The following IL1RAPL1 variants were observed in gnomAD, a reference collection of about 807,000 sequenced individuals.
IL1RAPL1 encodes the protein interleukin 1 receptor accessory protein like 1.
Under a neutral mutation model 48.4 loss-of-function variants are expected in IL1RAPL1, and 3 were observed. That is an observed-to-expected ratio of 0.06 (90% confidence interval 0.03 to 0.16). The LOEUF is 0.16. Ranked by LOEUF, IL1RAPL1 falls within the 10% of genes least tolerant of loss-of-function variation. The pLI is 1.00. For missense variants in IL1RAPL1, 349 were observed against 530.6 expected (o/e 0.66, Z 3.36); for synonymous variants, 185 against 187.7 (o/e 0.99, Z 0.12).
chrX:29,237,084 A>G (rs1931323361), intron 2 of IL1RAPL1, among the ~76,000 whole-genome samples: 2 of 111,112 alleles, frequency 1.8e-5, no homozygotes, highest in Non-Finnish European at 3.8e-5. Context: ...AGAGAAAAAC[A>G]GGGTTTTTAT....
intron 5 of IL1RAPL1, among the ~76,000 whole-genome samples, chrX:29,667,829 G>T (rs1443583557): frequency 2.7e-5 from 3 of 111,918 alleles, no homozygotes; most frequent in African/African-American, 9.7e-5. Flanking sequence ...AAAGAGTTTA[G>T]ACTAAATGGA....
chrX:29,601,400 AT>A (rs1923713821), intron 5 of IL1RAPL1, among the ~76,000 whole-genome samples: 1 of 112,266 alleles, frequency 8.9e-6, no homozygotes, highest in Non-Finnish European at 1.9e-5. Context: ...AATATTAATT[AT>A]TAAGCATAAA....
intron 1 of IL1RAPL1, among the ~76,000 whole-genome samples, chrX:28,639,121 C>T (rs1358666889): frequency 8.9e-6 from 1 of 111,962 alleles, no homozygotes; most frequent in East Asian, 2.8e-4. Flanking sequence ...AACACTTTAA[C>T]ATGTTGCCTG....
At chrX:29,412,776 T>C (rs1934160965) in intron 5 of IL1RAPL1, among the ~76,000 whole-genome samples, 1 of 112,043 alleles carries the variant, frequency 8.9e-6, no homozygotes, top group Admixed American at 9.5e-5. Flanking sequence ...CTGGGCTCAG[T>C]GACCTTAACT....
intron 1 of IL1RAPL1, among the ~76,000 whole-genome samples, chrX:28,718,759 TTGAC>T (rs1292685387): frequency 4.5e-5 from 5 of 111,972 alleles, no homozygotes; most frequent in Non-Finnish European, 9.4e-5. Context: ...TCTTTTCTGG[TTGAC>T]TGGCTGACAT....
intron 5 of IL1RAPL1, among the ~76,000 whole-genome samples, chrX:29,651,804 G>GGTAAT (rs1169951526): frequency 1.8e-5 from 2 of 111,489 alleles, no homozygotes; most frequent in Non-Finnish European, 3.8e-5. Flanking sequence ...AACTACGTGA[G>GGTAAT]GTAATGCACT....
chrX:29,061,284 A>G (rs1255068389), intron 2 of IL1RAPL1, among the ~76,000 whole-genome samples: 1 of 112,138 alleles, frequency 8.9e-6, no homozygotes, highest in Non-Finnish European at 1.9e-5. Context: ...TTTGGAAACC[A>G]TAACACCTGT....
intron 3 of IL1RAPL1, among the ~76,000 whole-genome samples, chrX:29,351,422 T>C (rs919783887): frequency 9.0e-6 from 1 of 111,667 alleles, no homozygotes; most frequent in African/African-American, 3.3e-5. Flanking sequence ...TCCTAGGCTA[T>C]TGTGAGGGTT....
chrX:28,993,332 G>C (rs953937274), intron 2 of IL1RAPL1, among the ~76,000 whole-genome samples: 6 of 111,902 alleles, frequency 5.4e-5, no homozygotes, highest in African/African-American at 1.9e-4. Flanking sequence ...GGTTAGAAGA[G>C]GGAATTTAAT....
chrX:28,991,304 C>T (rs938483964), intron 2 of IL1RAPL1, among the ~76,000 whole-genome samples: 1 of 111,770 alleles, frequency 8.9e-6, no homozygotes, highest in Non-Finnish European at 1.9e-5. Context: ...AGAGCTTCAA[C>T]AACCTGAGAA....
At chrX:28,842,634 C>CT (rs1485256689) in intron 2 of IL1RAPL1, among the ~76,000 whole-genome samples, 1 of 111,329 alleles carries the variant, frequency 9.0e-6, no homozygotes, top group African/African-American at 3.3e-5. Context: ...GTTGTGGACA[C>CT]TTTGTCAATA....
In IL1RAPL1 at chrX:28,857,899, A is replaced by C. The variant is rs1450257717; in HGVS notation, c.82+68474A>C. ...GATCTGCTATAGCTGTGATAGATCTAAGCAAAGTAATTTGAAAATCTTCTA... is the reference window on the plus strand; with the variant it reads ...GATCTGCTATAGCTGTGATAGATCTCAGCAAAGTAATTTGAAAATCTTCTA... On this transcript the variant is annotated intron_variant, in intron 2 of 10. Transcript: ENST00000378993. Among the ~76,000 whole-genome samples the C allele has an allele frequency of 2.7e-5, 3 of 112,034 alleles. No homozygotes were observed. In the East Asian group the frequency reaches 8.4e-4, roughly 31 times the overall value.
intron 5 of IL1RAPL1, among the ~76,000 whole-genome samples, chrX:29,595,096 G>A (rs747332276): frequency 2.8e-4 from 31 of 112,103 alleles, no homozygotes; most frequent in African/African-American, 7.8e-4. Context: ...GTATTCCATC[G>A]TATATATACA....
chrX:28,719,486 A>G (rs1168357117), intron 1 of IL1RAPL1, among the ~76,000 whole-genome samples: 1 of 111,076 alleles, frequency 9.0e-6, no homozygotes, highest in Non-Finnish European at 1.9e-5. Flanking sequence ...TTGAGGTAAT[A>G]ACTAAAAATA....
intron 1 of IL1RAPL1, among the ~76,000 whole-genome samples, chrX:28,693,734 G>T (rs1188427468): frequency 3.6e-5 from 4 of 111,908 alleles, no homozygotes; most frequent in Non-Finnish European, 5.6e-5. Flanking sequence ...CTTACAGAAG[G>T]AGCCAGCAGG....
intron 1 of IL1RAPL1, among the ~76,000 whole-genome samples, chrX:28,679,397 C>T (rs1016930802): frequency 5.4e-5 from 6 of 111,087 alleles, no homozygotes; most frequent in Admixed American, 9.6e-5. Context: ...TCTCCCACTT[C>T]GTAAGTTTTG....
intron 5 of IL1RAPL1, among the ~76,000 whole-genome samples, chrX:29,463,206 A>C (rs1379346586): frequency 9.8e-6 from 1 of 102,486 alleles, no homozygotes; most frequent in African/African-American, 3.5e-5. Flanking sequence ...AAAAAAAAAA[A>C]ACCCACATTA....
chrX:28,639,576 T>G (rs1208249136), intron 1 of IL1RAPL1, among the ~76,000 whole-genome samples: 1 of 111,828 alleles, frequency 8.9e-6, no homozygotes, highest in Non-Finnish European at 1.9e-5. Flanking sequence ...CTGTCTTAAC[T>G]TGAAGGATCT....
chrX:28,886,480 C>A (rs1202219955), intron 2 of IL1RAPL1, among the ~76,000 whole-genome samples: 10 of 105,274 alleles, frequency 9.5e-5, no homozygotes, highest in Non-Finnish European at 1.6e-4. Context: ...CTCTGAAGTG[C>A]AAGTAAGATA....
Sources: gnomAD v4.1 joint callset for allele counts (sites outside exome capture counted in the v4.1 genomes callset) on GRCh38, gnomAD v4.1.1 for gene constraint, MANE v1.5 for transcripts, NCBI Gene and HGNC (gene_info 2026-07-23, HGNC 2026-07-21) for gene names.